DLC1: variants seen among roughly 807,000 people sequenced by gnomAD.
DLC1 encodes the protein DLC1 Rho GTPase activating protein.
A neutral mutation model predicts 140.3 loss-of-function variants in DLC1; 54 were observed. That is an observed-to-expected ratio of 0.38 (90% CI 0.31 to 0.48). The LOEUF (loss-of-function observed/expected upper bound fraction) is 0.48, where lower values mean the gene tolerates loss of function less well. DLC1 is among the 20% of genes least tolerant of loss of function. The pLI is 0.96. For missense variants in DLC1, 2,536 were observed against 1,907.0 expected (o/e 1.33, Z -6.14); for synonymous variants, 986 against 728.1 (o/e 1.35, Z -5.70).
chr8:13,389,425 AG>A (rs1307621205), intron 4 of DLC1, among the ~76,000 whole-genome samples: 1 of 152,112 alleles, frequency 6.6e-6, no homozygotes, highest in Non-Finnish European at 1.5e-5. Flanking sequence ...GGAAGAGTCT[AG>A]TACGAAAGGC....
At chr8:13,309,061 T>C (rs568016399) in intron 4 of DLC1, among the ~76,000 whole-genome samples, 1 of 152,230 alleles carries the variant, frequency 6.6e-6, no homozygotes, top group Non-Finnish European at 1.5e-5. Context: ...GTATAATTGA[T>C]GCTTATGAGA....
chr8:13,425,270 G>A (rs552873879), intron 2 of DLC1, among the ~76,000 whole-genome samples: 9 of 152,192 alleles, frequency 5.9e-5, no homozygotes, highest in Non-Finnish European at 1.2e-4. Context: ...ACATGTTAGT[G>A]TTGAAACGTT....
intron 2 of DLC1, among the ~76,000 whole-genome samples, chr8:13,465,647 T>C (rs1799895917): frequency 6.6e-6 from 1 of 152,214 alleles, no homozygotes; most frequent in African/African-American, 2.4e-5. Context: ...TCTTTGTTTC[T>C]AAATGTTGCT....
At chr8:13,293,342 T>C (rs2117470777) in intron 5 of DLC1, among the ~76,000 whole-genome samples, 1 of 152,306 alleles carries the variant, frequency 6.6e-6, no homozygotes. Flanking sequence ...AGAAAACCCA[T>C]GAATCTTAAA....
rs1325581753 is a variant in DLC1, at chr8:13,100,597, G to A, written c.1740C>T (p.Gly580=). The A allele has an allele frequency of 6.2e-7, 1 of 1,613,934 alleles. No homozygotes were observed. The highest frequency in any genetic ancestry group is 1.1e-5 in the South Asian group (1 of 91,052). ...SHPKDGPSPG[G]TLMDLSERQE... ...GGCGCTCGCTGAGGTCCATCAGCGT[G>A]CCTCCGGGGCTGGGGCCGTCCTTCG... The change falls in exon 9 of 18, where the codon GGC becomes GGT. Residue 580 remains glycine (G), a synonymous_variant. Transcript: ENST00000276297.
chr8:13,288,558 T>C (rs956132583), intron 5 of DLC1, among the ~76,000 whole-genome samples: 12 of 152,246 alleles, frequency 7.9e-5, no homozygotes, highest in African/African-American at 2.2e-4. Context: ...CAATGCTTTC[T>C]TTCCCTCCTC....
chr8:13,486,480 T>C (rs925242720), intron 2 of DLC1, among the ~76,000 whole-genome samples: 7 of 152,178 alleles, frequency 4.6e-5, no homozygotes, highest in Non-Finnish European at 7.3e-5. Flanking sequence ...TACTTTTAAA[T>C]TATAGAGTTT....
In DLC1 at chr8:13,468,811, C is replaced by CTTTTTTTTTTTTTTTT. The variant is rs78775803; in HGVS notation, c.1023+30222_1023+30237dup. On this transcript the variant is annotated intron_variant, in intron 2 of 17. Coordinates refer to ENST00000276297, the MANE Select transcript of DLC1 (RefSeq NM_182643.3). ...GTTGATTCTCCCAATTTTATGTCTG[C>CTTTTTTTTTTTTTTTT]TTTTTTTTTTTTTTTTTTTTTTTTT... Among the ~76,000 whole-genome samples the CTTTTTTTTTTTTTTTT allele has an allele frequency of 6.1e-4, 55 of 89,954 alleles. 6 individuals are homozygous for CTTTTTTTTTTTTTTTT. The highest frequency in any genetic ancestry group is 1.3e-3 in the East Asian group (3 of 2,398). The allele number at this position is 89,954 out of a possible 152,430, so 59.0% of individuals were successfully genotyped here.
intron 5 of DLC1, among the ~76,000 whole-genome samples, chr8:13,229,372 A>G (rs929955569): frequency 2.0e-5 from 3 of 152,186 alleles, no homozygotes; most frequent in African/African-American, 7.2e-5. Context: ...TATATAAAAT[A>G]TCTAGAATAG....
At chr8:13,561,409 T>C (rs905823163) in intron 1 of DLC1, among the ~76,000 whole-genome samples, 1 of 152,170 alleles carries the variant, frequency 6.6e-6, no homozygotes, top group African/African-American at 2.4e-5. Context: ...TGAACTCCTA[T>C]TCTTAAAGAT....
At chr8:13,455,325 G>A (rs1799332652) in intron 2 of DLC1, among the ~76,000 whole-genome samples, 1 of 152,134 alleles carries the variant, frequency 6.6e-6, no homozygotes, top group African/African-American at 2.4e-5. Context: ...AAATGCATGT[G>A]TTAGATTGTA....
rs369337749 is a variant in DLC1 at position 13,271,716 on chromosome 8, G to C, written c.1348+33553C>G. Among the ~76,000 whole-genome samples, 8 of 152,234 alleles carry C rather than the reference G, an allele frequency of 5.3e-5. No individual in the cohort carries two copies. The South Asian group carries it at 1.7e-3, about 32-fold the overall frequency. On this transcript the variant is annotated intron_variant, in intron 5 of 17. Coordinates refer to ENST00000276297, the MANE Select transcript of DLC1 (RefSeq NM_182643.3). Reference sequence around the variant, plus strand: ...TTTCCTTTTTAGAAGATGAGGTCTTGCTATGTCATTCAAGCTGGAGTGCAG... The same window carrying C: ...TTTCCTTTTTAGAAGATGAGGTCTTCCTATGTCATTCAAGCTGGAGTGCAG...
intron 2 of DLC1, among the ~76,000 whole-genome samples, chr8:13,411,490 C>G (rs577715794): frequency 2.0e-5 from 3 of 152,216 alleles, no homozygotes; most frequent in African/African-American, 7.2e-5. Flanking sequence ...TACATTTATC[C>G]AAACCCATAG....
intron 5 of DLC1, among the ~76,000 whole-genome samples, chr8:13,135,469 C>T (rs1024151135): frequency 6.6e-6 from 1 of 152,142 alleles, no homozygotes; most frequent in African/African-American, 2.4e-5. Flanking sequence ...GCGTGAGCCA[C>T]CGCGCCCGGT....
chr8:13,162,666 G>A (rs1413605672), intron 5 of DLC1, among the ~76,000 whole-genome samples: 1 of 152,122 alleles, frequency 6.6e-6, no homozygotes, highest in Non-Finnish European at 1.5e-5. Context: ...TGGTACAGTG[G>A]GTACAGCTCA....
chr8:13,276,108 A>G (rs1831152929), intron 5 of DLC1, among the ~76,000 whole-genome samples: 1 of 152,242 alleles, frequency 6.6e-6, no homozygotes, highest in Admixed American at 6.5e-5. Context: ...AATACTAGAG[A>G]AAGGGAGACC....
At chr8:13,106,811 T>G (rs1819603085) in intron 7 of DLC1, among the ~76,000 whole-genome samples, 1 of 152,244 alleles carries the variant, frequency 6.6e-6, no homozygotes, top group Non-Finnish European at 1.5e-5. Flanking sequence ...TGTACATACT[T>G]CTTTGCTGTG....
intron 2 of DLC1, among the ~76,000 whole-genome samples, chr8:13,411,061 T>C (rs1837760365): frequency 6.6e-6 from 1 of 152,206 alleles, no homozygotes; most frequent in Non-Finnish European, 1.5e-5. Flanking sequence ...TCATACCTGT[T>C]GGTATTTTTA....
chr8:13,389,102 T>C (rs1247241922), intron 4 of DLC1, among the ~76,000 whole-genome samples: 2 of 152,102 alleles, frequency 1.3e-5, no homozygotes, highest in African/African-American at 2.4e-5. Flanking sequence ...TAGACTCTCC[T>C]TGTTCCTTCA....
Sources: gnomAD v4.1 joint callset for allele counts (sites outside exome capture counted in the v4.1 genomes callset) on GRCh38, gnomAD v4.1.1 for gene constraint, MANE v1.5 for transcripts, NCBI Gene and HGNC (gene_info 2026-07-23, HGNC 2026-07-21) for gene names.